The following CCDC149 variants were observed in gnomAD, a reference collection of about 807,000 sequenced individuals.
The protein encoded by CCDC149 is coiled-coil domain containing 149, also known as coiled-coil domain-containing protein 149.
A neutral mutation model predicts 59.9 loss-of-function variants in CCDC149; 45 were observed. The observed-to-expected ratio is 0.75, with a 90% confidence interval of 0.59 to 0.96. The LOEUF (loss-of-function observed/expected upper bound fraction) is 0.96. CCDC149 is among the 40% of genes least tolerant of loss of function. The pLI is 0.00. For synonymous variants in CCDC149, 245 were observed against 260.6 expected (o/e 0.94, Z 0.58); for missense variants, 584 against 664.7 (o/e 0.88, Z 1.33).
chr4:24,823,105 T>C (rs570748488), intron 9 of CCDC149: 4 of 152,380 alleles, frequency 2.6e-5, no homozygotes, highest in African/African-American at 7.2e-5. Flanking sequence ...TTTAGCACAA[T>C]GCCTGATACA....
chr4:24,975,590 G>A (rs944635677), intron 1 of CCDC149, among the ~76,000 whole-genome samples: 1 of 150,456 alleles, frequency 6.6e-6, no homozygotes, highest in Non-Finnish European at 1.5e-5. Flanking sequence ...GGAGAGGGAA[G>A]GGGAGGAGAG....
chr4:24,831,197 A>C (rs566366592), intron 9 of CCDC149: 1 of 204,708 alleles, frequency 4.9e-6, no homozygotes, highest in African/African-American at 2.3e-5. Flanking sequence ...GAAGAGCTGG[A>C]GGAGAGGTGG....
At chr4:24,976,245 G>A in intron 1 of CCDC149, among the ~76,000 whole-genome samples, 1 of 152,120 alleles carries the variant, frequency 6.6e-6, no homozygotes, top group East Asian at 1.9e-4. Flanking sequence ...TAATTCCAGG[G>A]TCCATTTATC....
At chr4:24,910,340 A>T (rs746463827) in intron 1 of CCDC149, among the ~76,000 whole-genome samples, 1 of 152,164 alleles carries the variant, frequency 6.6e-6, no homozygotes, top group Non-Finnish European at 1.5e-5. Context: ...ATCCAGGGTG[A>T]TCTCATCTAA....
At chr4:24,856,259 T>A (rs1039108826) in intron 3 of CCDC149, among the ~76,000 whole-genome samples, 1 of 152,224 alleles carries the variant, frequency 6.6e-6, no homozygotes, top group African/African-American at 2.4e-5. Context: ...GCACCTGGCA[T>A]CTGCCTGGCA....
chr4:24,971,022 T>C (rs111709226), intron 1 of CCDC149, among the ~76,000 whole-genome samples: 4,285 of 152,272 alleles, frequency 0.028, 176 homozygotes, highest in African/African-American at 0.097. Flanking sequence ...GAATGGCCTT[T>C]GACATAATAA....
chr4:24,917,400 C>T (rs149671656), upstream of CCDC149, among the ~76,000 whole-genome samples: 1,667 of 152,314 alleles, frequency 0.011, 17 homozygotes, highest in Non-Finnish European at 0.017. Flanking sequence ...GCCGGGGACC[C>T]GCAGTTGTCA....
At chr4:24,944,181 A>G (rs1723036257) in intron 1 of CCDC149, among the ~76,000 whole-genome samples, 1 of 152,252 alleles carries the variant, frequency 6.6e-6, no homozygotes, top group Admixed American at 6.5e-5. Context: ...CTGGATTAAG[A>G]AAATGTGGCA....
chr4:24,934,612 A>G (rs377405690), intron 1 of CCDC149, among the ~76,000 whole-genome samples: 2 of 152,172 alleles, frequency 1.3e-5, no homozygotes, highest in Non-Finnish European at 2.9e-5. Flanking sequence ...TTAGTTATCT[A>G]TTACAAAGAG....
Position 24,836,523 on chromosome 4 carries a change from A to C in CCDC149, c.663-15T>G. ...CTTGAAGGTACCTGAAAAAGAATAC[A>C]TAAAACTAGGAGGTGTTTAAGGGCT... is the stretch of plus-strand genomic sequence containing the variant. On this transcript the variant is annotated splice_polypyrimidine_tract_variant and intron_variant, in intron 6 of 12. Coordinates refer to ENST00000635206, the MANE Select transcript of CCDC149 (RefSeq NM_001330643.2). 1 of 1,574,844 alleles carries C rather than the reference A, an allele frequency of 6.3e-7. No individual in the cohort carries two copies. Among genetic ancestry groups the C allele is most frequent in the South Asian group, 1.1e-5 (1 of 89,714 alleles).
chr4:24,969,554 A>G (rs555468030), intron 1 of CCDC149, among the ~76,000 whole-genome samples: 13 of 152,312 alleles, frequency 8.5e-5, no homozygotes, highest in Middle Eastern at 3.4e-3. Flanking sequence ...TTACCCTCAT[A>G]TGTCACACCC....
chr4:24,874,199 C>T (rs984663424), intron 2 of CCDC149, among the ~76,000 whole-genome samples: 18 of 146,536 alleles, frequency 1.2e-4, no homozygotes, highest in African/African-American at 4.3e-4. Flanking sequence ...ACAGTATTTG[C>T]TCAAAGTTAA....
intron 1 of CCDC149, among the ~76,000 whole-genome samples, chr4:24,926,298 C>G (rs944623972): frequency 6.6e-6 from 1 of 152,240 alleles, no homozygotes; most frequent in Non-Finnish European, 1.5e-5. Context: ...AATGCTTTGC[C>G]TGAAATCAAG....
intron 1 of CCDC149, among the ~76,000 whole-genome samples, chr4:24,931,250 A>C (rs1722576514): frequency 6.8e-6 from 1 of 147,500 alleles, no homozygotes; most frequent in South Asian, 2.1e-4. Context: ...TATATATTGT[A>C]TAATATGCAT....
chr4:24,862,228 G>A (rs1257081069), intron 3 of CCDC149, among the ~76,000 whole-genome samples: 1 of 152,178 alleles, frequency 6.6e-6, no homozygotes, highest in Non-Finnish European at 1.5e-5. Context: ...CCTAAGACCT[G>A]ACGAGAAATT....
chr4:24,839,736 G>A (rs1265885415), intron 4 of CCDC149, among the ~76,000 whole-genome samples: 1 of 152,118 alleles, frequency 6.6e-6, no homozygotes, highest in Admixed American at 6.5e-5. Flanking sequence ...TCCCCTATCT[G>A]CCCATCACAA....
At position 24,952,995 on chromosome 4, in the gene CCDC149, T is replaced by C. The variant is rs1157135891; in HGVS notation, c.-65+27074A>G. Reference sequence around the variant, plus strand: ...TTTGAGAACATCTGTTAGAAGGTGATTGTGATGCCAGTGGAATGTGACTGA... The same window carrying C: ...TTTGAGAACATCTGTTAGAAGGTGACTGTGATGCCAGTGGAATGTGACTGA... On this transcript the variant is annotated intron_variant, in intron 1 of 12. Coordinates refer to the CCDC149 transcript ENST00000389609. 2.0e-5 allele frequency among the ~76,000 whole-genome samples: 3 copies of C among 152,048 alleles called. No homozygotes were observed. In the East Asian group the frequency reaches 5.8e-4, roughly 29 times the overall value.
intron 1 of CCDC149, among the ~76,000 whole-genome samples, chr4:24,906,376 T>TTTTTA (rs66808189): frequency 1.8e-5 from 2 of 112,378 alleles, no homozygotes; most frequent in African/African-American, 3.2e-5. Context: ...TTTTATTTTA[T>TTTTTA]TTTATTTTAT....
At chr4:24,915,113 T>G (rs1199924139), upstream of CCDC149, among the ~76,000 whole-genome samples, 1 of 152,244 alleles carries the variant, frequency 6.6e-6, no homozygotes, top group Non-Finnish European at 1.5e-5. Context: ...CTCATTATCT[T>G]TTTAATCTAA....
Sources: gnomAD v4.1 joint callset for allele counts (sites outside exome capture counted in the v4.1 genomes callset) on GRCh38, gnomAD v4.1.1 for gene constraint, MANE v1.5 for transcripts, NCBI Gene and HGNC (gene_info 2026-07-23, HGNC 2026-07-21) for gene names.